Variants in SLC30A6 observed in about 807,000 individuals in gnomAD.
SLC30A6 encodes the protein solute carrier family 30 member 6.
A neutral mutation model predicts 63.0 loss-of-function variants in SLC30A6; 55 were observed. The observed-to-expected ratio is 0.87, with a 90% CI of 0.70 to 1.09. The LOEUF (loss-of-function observed/expected upper bound fraction) is 1.09, where lower values mean the gene tolerates loss of function less well. Among genes scored for constraint, SLC30A6 ranks in the 50% least tolerant of loss-of-function variants. The probability of loss-of-function intolerance (pLI) is 0.00; values close to 1 mark genes in which losing one functional copy is unlikely to be tolerated. For missense variants in SLC30A6, 587 were observed against 549.2 expected (o/e 1.07, Z -0.69); for synonymous variants, 224 against 186.1 (o/e 1.20, Z -1.66).
chr2:32,207,308 T>G (rs1684856434), intron 12 of SLC30A6, among the ~76,000 whole-genome samples: 1 of 152,048 alleles, frequency 6.6e-6, no homozygotes, highest in South Asian at 2.1e-4. Context: ...CCTCCCAGGC[T>G]CAAGCAATTC....
chr2:32,212,764 T>TC (rs1685361603), intron 13 of SLC30A6, among the ~76,000 whole-genome samples: 1 of 151,148 alleles, frequency 6.6e-6, no homozygotes. Context: ...GCCTAGCTAA[T>TC]TTTTGAATTT....
At position 32,209,348 on chromosome 2, in the gene SLC30A6, G is replaced by T. The variant is rs1685056107; in HGVS notation, c.817-145G>T. On this transcript the variant is annotated intron_variant, in intron 12 of 13. Coordinates refer to ENST00000282587, the MANE Select transcript of SLC30A6 (RefSeq NM_017964.5). ...ACAAACAGGAATGGTATCTTGAGTG[G>T]TCTGAGACTTCTCTTAGCTAATGAG... 1.3e-5 allele frequency: 8 copies of T among 594,450 alleles called. No individual in the cohort carries two copies. The South Asian group carries it at 1.6e-4, about 12-fold the overall frequency. The allele number at this position is 594,450 out of a possible 1,614,324, so 36.8% of individuals were successfully genotyped here.
chr2:32,220,442 C>A lies in SLC30A6; in HGVS notation c.1115C>A (p.Pro372Gln). ...PLLKGTDDLN[P>Q]VTSTPAKPSS... ...TTAAAGGGTACTGATGATTTGAACC[C>A]AGTTACATCAACTCCAGCTAAACCT... is the stretch of plus-strand genomic sequence containing the variant. The change falls in exon 14 of 14, where the codon CCA becomes CAA. Residue 372 changes from proline to glutamine, a missense_variant. Coordinates refer to ENST00000282587, the MANE Select transcript of SLC30A6 (RefSeq NM_017964.5). The A allele has an allele frequency of 6.2e-7, 1 of 1,614,174 alleles. No individual in the cohort carries two copies. Among genetic ancestry groups the A allele is most frequent in the Non-Finnish European group, 8.5e-7 (1 of 1,180,030 alleles).
At position 32,220,685 on chromosome 2, in the gene SLC30A6, A is replaced by G. The variant is rs374576239; in HGVS notation, c.1358A>G (p.Asn453Ser). 5.0e-5 allele frequency: 81 copies of G among 1,613,688 alleles called. No individual in the cohort carries two copies. The highest frequency in any genetic ancestry group is 6.8e-5 in the Non-Finnish European group (80 of 1,179,774). Reference sequence around the variant, plus strand: ...AATATACCAAGTAGATATGGAACTAATAATAGAATTGGACAACCAAGACCA... The same window carrying G: ...AATATACCAAGTAGATATGGAACTAGTAATAGAATTGGACAACCAAGACCA... ...FTNIPSRYGT[N>S]NRIGQPRP Residue 453 changes from asparagine (N) to serine (S), a missense_variant, in exon 14 of 14, where the codon AAT (asparagine) becomes AGT (serine). Physicochemically the swap from Asn to Ser is conservative, Grantham distance 46 (BLOSUM62 1). Transcript: ENST00000282587.
rs3040842 is a variant in SLC30A6 at position 32,189,596 on chromosome 2, C to CTT, written c.285-2711_285-2710dup. On this transcript the variant is annotated intron_variant, in intron 5 of 13. Coordinates refer to ENST00000282587, the MANE Select transcript of SLC30A6 (RefSeq NM_017964.5). ...ATAAGCATGAGCCACCGCACCCGGC[C>CTT]TTTTTTTTTTTTTTTTTTTTTTTTT... is the stretch of plus-strand genomic sequence containing the variant. 4.3e-3 allele frequency among the ~76,000 whole-genome samples: 223 copies of CTT among 51,928 alleles called. 36 individuals carry two copies. The highest frequency in any genetic ancestry group is 0.013 in the African/African-American group (139 of 10,396). The allele number at this position is 51,928 out of a possible 152,430, so 34.1% of individuals were successfully genotyped here. A position where few individuals can be genotyped will look rare whatever the true frequency, so the allele number is the denominator to read the frequency against.
At chr2:32,171,160 G>A (rs1224657833) in intron 1 of SLC30A6, 127 bp from the exon 2 acceptor site, 2 of 641,692 alleles carry the variant, frequency 3.1e-6, no homozygotes, top group East Asian at 2.9e-5. Context: ...TAGAATAAGT[G>A]CTTGATGTAT....
intron 10 of SLC30A6, chr2:32,203,992 A>G: frequency 1.4e-6 from 1 of 714,788 alleles, no homozygotes; most frequent in Non-Finnish European, 2.5e-6. Flanking sequence ...CCACAAACGG[A>G]GTTTTGACTA....
rs2148878865 is a variant in SLC30A6 at position 32,202,948 on chromosome 2, A to G, written c.666-1642A>G. The G allele has an allele frequency of 4.4e-6, 5 of 1,139,384 alleles. No individual in the cohort carries two copies. The East Asian group carries it at 9.4e-5, about 21-fold the overall frequency. 70.6% of individuals were successfully genotyped at this position (1,139,384 alleles called of 1,614,324 possible). A position where few individuals can be genotyped will look rare whatever the true frequency, so the allele number is the denominator to read the frequency against. On this transcript the variant is annotated intron_variant, in intron 10 of 13. Coordinates refer to ENST00000282587, the MANE Select transcript of SLC30A6 (RefSeq NM_017964.5). ...CCAGCAGTTACTGGAGATGTCCTTC[A>G]AGTCTACAGTGGGTCTGAAGGGACG...
chr2:32,211,478 C>T (rs923055914), intron 13 of SLC30A6, among the ~76,000 whole-genome samples: 1 of 151,988 alleles, frequency 6.6e-6, no homozygotes, highest in African/African-American at 2.4e-5. Flanking sequence ...AATTTTTTTC[C>T]TTTTATATGT....
chr2:32,213,796 C>CAT (rs1685455108), intron 13 of SLC30A6, among the ~76,000 whole-genome samples: 1 of 106,778 alleles, frequency 9.4e-6, no homozygotes, highest in Non-Finnish European at 1.8e-5. Flanking sequence ...CTAGGATAAA[C>CAT]TTTTTTTTTT....
chr2:32,211,345 T>G (rs1480937484), intron 13 of SLC30A6, among the ~76,000 whole-genome samples: 1 of 152,248 alleles, frequency 6.6e-6, no homozygotes, highest in Non-Finnish European at 1.5e-5. Flanking sequence ...ACATTATAAT[T>G]AAAAATTAGT....
chr2:32,183,527 A>T (rs368479343), intron 4 of SLC30A6, among the ~76,000 whole-genome samples: 307 of 151,646 alleles, frequency 2.0e-3, no homozygotes, highest in Middle Eastern at 3.4e-3. Context: ...ACTAAAAAAA[A>T]ATATATAAAA....
chr2:32,203,116 T>G (rs1362616922), intron 10 of SLC30A6: 1 of 1,310,194 alleles, frequency 7.6e-7, no homozygotes, highest in African/African-American at 1.4e-5. Context: ...GAAGGTAGTT[T>G]TAAAGTTTTG....
At chr2:32,214,229 C>T (rs866688588) in intron 13 of SLC30A6, among the ~76,000 whole-genome samples, 25 of 152,186 alleles carry the variant, frequency 1.6e-4, no homozygotes, top group African/African-American at 5.8e-4. Context: ...GGCACCATGC[C>T]CAGCCTGGGA....
chr2:32,185,678 A>G (rs187416651), intron 5 of SLC30A6, among the ~76,000 whole-genome samples: 1 of 152,084 alleles, frequency 6.6e-6, no homozygotes, highest in Non-Finnish European at 1.5e-5. Flanking sequence ...ATTTTCATAA[A>G]TCAATCATAA....
rs200488280 is a variant in SLC30A6 at position 32,209,555 on chromosome 2, C to G, written c.879C>G (p.Gly293=). 1 of 1,611,446 alleles carries G rather than the reference C, an allele frequency of 6.2e-7. No individual in the cohort carries two copies. Among genetic ancestry groups the G allele is most frequent in the East Asian group, 2.2e-5 (1 of 44,760 alleles). ...RNEHFWTLGF[G]SLAGSVHVRI... ...AACATTTTTGGACCCTAGGTTTTGG[C>G]TCATTGGTATGTTCTTTTACATATG... is the stretch of plus-strand genomic sequence containing the variant. Residue 293 remains glycine (G), a synonymous_variant, in exon 13 of 14, where the codon GGC becomes GGG. Transcript: ENST00000282587.
intron 4 of SLC30A6, among the ~76,000 whole-genome samples, chr2:32,181,384 A>T (rs890479132): frequency 2.0e-5 from 3 of 152,206 alleles, no homozygotes; most frequent in Non-Finnish European, 2.9e-5. Flanking sequence ...TTTGAGGATT[A>T]TTAAGATGTG....
At chr2:32,213,206 C>G (rs995700697) in intron 13 of SLC30A6, among the ~76,000 whole-genome samples, 2 of 152,092 alleles carry the variant, frequency 1.3e-5, no homozygotes, top group African/African-American at 4.8e-5. Flanking sequence ...TGTGCCTGGC[C>G]CTGCCTTACA....
intron 4 of SLC30A6, among the ~76,000 whole-genome samples, chr2:32,178,745 G>A (rs1179366819): frequency 6.6e-6 from 1 of 152,172 alleles, no homozygotes; most frequent in Non-Finnish European, 1.5e-5. Context: ...TGGATTCTCA[G>A]GTCTGTCCCA....
Sources: allele counts gnomAD v4.1 joint callset (sites outside exome capture counted in the v4.1 genomes callset), GRCh38; gene constraint gnomAD v4.1.1; transcripts MANE v1.5; gene names NCBI Gene and HGNC (gene_info 2026-07-23, HGNC 2026-07-21).